Variants in SH3KBP1 observed in about 807,000 individuals in gnomAD.
SH3KBP1 encodes the protein SH3 domain containing kinase binding protein 1, also known as SH3 domain-containing kinase-binding protein 1.
SH3KBP1 carries 8 observed loss-of-function variants against 50.1 expected under a neutral mutation model. That is an observed-to-expected ratio of 0.16 (90% CI 0.09 to 0.29). The LOEUF is 0.29. Among genes scored for constraint, SH3KBP1 ranks in the 10% least tolerant of loss-of-function variants. The probability of loss-of-function intolerance (pLI) is 1.00; values close to 1 mark genes in which losing one functional copy is unlikely to be tolerated. For synonymous variants in SH3KBP1, 227 were observed against 218.6 expected (o/e 1.04, Z -0.34); for missense variants, 377 against 535.2 (o/e 0.70, Z 2.92).
At chrX:19,623,589 C>T (rs899134882) in intron 8 of SH3KBP1, among the ~76,000 whole-genome samples, 15 of 111,983 alleles carry the variant, frequency 1.3e-4, no homozygotes, top group Non-Finnish European at 3.8e-5. Flanking sequence ...GAGGCTGAGG[C>T]GGGAGAATCA....
chrX:19,674,178 G>A (rs951036426), intron 6 of SH3KBP1, among the ~76,000 whole-genome samples: 2 of 111,217 alleles, frequency 1.8e-5, no homozygotes, highest in African/African-American at 6.6e-5. Flanking sequence ...ACCTGTATAT[G>A]ACAGCTGATC....
intron 8 of SH3KBP1, among the ~76,000 whole-genome samples, chrX:19,608,874 T>C (rs1476502959): frequency 1.8e-5 from 2 of 112,435 alleles, no homozygotes; most frequent in Non-Finnish European, 3.8e-5. Flanking sequence ...GTTGCCATCA[T>C]GAAAATCCCT....
At chrX:19,715,220 G>A (rs1296062353) in intron 3 of SH3KBP1, among the ~76,000 whole-genome samples, 3 of 105,421 alleles carry the variant, frequency 2.8e-5, no homozygotes, top group Non-Finnish European at 5.8e-5. Context: ...TCTGCAGTGA[G>A]CTGTGATCAC....
At chrX:19,569,675 T>A (rs746852793) in intron 12 of SH3KBP1, among the ~76,000 whole-genome samples, 1 of 111,476 alleles carries the variant, frequency 9.0e-6, no homozygotes, top group East Asian at 2.8e-4. Flanking sequence ...AGGTGTCGAG[T>A]TGAGATCTGG....
chrX:19,582,378 G>A (rs922006979), intron 12 of SH3KBP1, among the ~76,000 whole-genome samples: 3 of 111,853 alleles, frequency 2.7e-5, no homozygotes, highest in African/African-American at 9.8e-5. Flanking sequence ...TGGCCTCCCT[G>A]ACTCCAGCTC....
At chrX:19,646,226 T>C (rs5909324) in intron 6 of SH3KBP1, among the ~76,000 whole-genome samples, 27,483 of 111,292 alleles carry the variant, frequency 0.25, 2,926 homozygotes, top group African/African-American at 0.4. Flanking sequence ...TGTTTTGAGT[T>C]CATTTCCTTT....
Position 19,536,279 on chromosome X carries a change from G to A in SH3KBP1, c.*138C>T. On this transcript the variant is annotated 3_prime_UTR_variant, in exon 18 of 18. Transcript: ENST00000397821. The stretch of plus-strand genomic sequence containing the variant: ...GATGGAATTTGTGTTGTGCTATCAA[G>A]ACTTTTGTGCTAATCTTTCAAACAG... The A allele has an allele frequency of 2.4e-6, 1 of 423,751 alleles. No homozygotes were observed. The highest frequency in any genetic ancestry group is 4.4e-5 in the South Asian group (1 of 22,905). The allele number at this position is 423,751 out of a possible 1,213,427, so 34.9% of individuals were successfully genotyped here. A position where few individuals can be genotyped will look rare whatever the true frequency, so the allele number is the denominator to read the frequency against.
intron 3 of SH3KBP1, among the ~76,000 whole-genome samples, chrX:19,743,435 A>C (rs1421732884): frequency 9.1e-6 from 1 of 110,168 alleles, no homozygotes; most frequent in Non-Finnish European, 1.9e-5. Flanking sequence ...TTTCCAAAAA[A>C]TAAAAAAGAA....
chrX:19,748,939 A>T (rs2064995983), intron 2 of SH3KBP1, among the ~76,000 whole-genome samples: 1 of 111,761 alleles, frequency 8.9e-6, no homozygotes, highest in African/African-American at 3.3e-5. Flanking sequence ...CTCCTGTAGT[A>T]TCTTAAAAAC....
chrX:19,863,851 A>C lies in SH3KBP1; in HGVS notation c.4+23456T>G, dbSNP rs148702445. On this transcript the variant is annotated intron_variant, in intron 1 of 17. Transcript: ENST00000397821. ...TCTAAGTTGACTCAACAGTAGAATCAATCACAAAGCCTACAAACAAAAAAG... is the reference window on the plus strand; with the variant it reads ...TCTAAGTTGACTCAACAGTAGAATCCATCACAAAGCCTACAAACAAAAAAG... Among the ~76,000 whole-genome samples, 225 of 112,395 alleles carry C rather than the reference A, an allele frequency of 2.0e-3. 5 individuals are homozygous for C. The East Asian group carries it at 0.05, about 25-fold the overall frequency.
chrX:19,764,049 A>AT (rs1202069051), intron 2 of SH3KBP1, among the ~76,000 whole-genome samples: 1 of 104,263 alleles, frequency 9.6e-6, no homozygotes, highest in African/African-American at 3.5e-5. Flanking sequence ...CAAAATACCC[A>AT]TTTTTTCTAA....
intron 6 of SH3KBP1, among the ~76,000 whole-genome samples, chrX:19,658,839 G>C (rs761013206): frequency 4.5e-5 from 5 of 111,311 alleles, no homozygotes; most frequent in African/African-American, 1.3e-4. Flanking sequence ...TTACAGGCGT[G>C]AGCCACCACA....
intron 9 of SH3KBP1, among the ~76,000 whole-genome samples, chrX:19,602,798 A>G (rs2067128782): frequency 8.9e-6 from 1 of 112,068 alleles, no homozygotes; most frequent in Admixed American, 9.5e-5. Context: ...TTGACTAAGA[A>G]CAGATTTTAC....
chrX:19,555,772 T>C (rs2065468785), intron 13 of SH3KBP1, among the ~76,000 whole-genome samples: 1 of 111,858 alleles, frequency 8.9e-6, no homozygotes, highest in South Asian at 3.7e-4. Flanking sequence ...CAGAGAGGTG[T>C]ACAGCCCCCA....
At chrX:19,565,847 A>G (rs2065827418) in intron 13 of SH3KBP1, among the ~76,000 whole-genome samples, 1 of 111,788 alleles carries the variant, frequency 8.9e-6, no homozygotes, top group African/African-American at 3.3e-5. Context: ...GATTTTTTAA[A>G]ATGGTGTACA....
At chrX:19,807,877 T>C (rs1452462401) in intron 2 of SH3KBP1, among the ~76,000 whole-genome samples, 1 of 112,757 alleles carries the variant, frequency 8.9e-6, no homozygotes, top group Non-Finnish European at 1.9e-5. Context: ...TAATTTTTGG[T>C]TGAAAGCCAG....
chrX:19,567,150 G>C (rs752147965), intron 13 of SH3KBP1, among the ~76,000 whole-genome samples: 1 of 109,255 alleles, frequency 9.2e-6, no homozygotes, highest in African/African-American at 3.3e-5. Context: ...CTTAACAAGA[G>C]TAACACAAGG....
intron 7 of SH3KBP1, among the ~76,000 whole-genome samples, chrX:19,645,034 G>A (rs867274243): frequency 9.0e-6 from 1 of 111,626 alleles, no homozygotes; most frequent in Non-Finnish European, 1.9e-5. Flanking sequence ...AGGCCTCTCC[G>A]ACCTGAGGGC....
chrX:19,711,479 C>T (rs1371128813), intron 3 of SH3KBP1, among the ~76,000 whole-genome samples: 5 of 111,381 alleles, frequency 4.5e-5, no homozygotes, highest in African/African-American at 1.6e-4. Context: ...TTTACTAGGC[C>T]AATTCATTCA....
Sources: allele counts gnomAD v4.1 joint callset (sites outside exome capture counted in the v4.1 genomes callset), GRCh38; gene constraint gnomAD v4.1.1; transcripts MANE v1.5; gene names NCBI Gene and HGNC (gene_info 2026-07-23, HGNC 2026-07-21).